Variants in AKT3 observed in about 807,000 individuals in gnomAD.
AKT3 encodes AKT serine/threonine kinase 3, also known as RAC-gamma serine/threonine-protein kinase.
A neutral mutation model predicts 65.3 loss-of-function variants in AKT3; 15 were observed. The ratio of observed to expected loss-of-function variants is 0.23; its 90% CI spans 0.15 to 0.35. AKT3 has a LOEUF of 0.35. AKT3 is among the 10% of genes least tolerant of loss of function. The pLI is 1.00. For missense variants in AKT3, 243 were observed against 576.5 expected (o/e 0.42, Z 5.92); for synonymous variants, 206 against 183.8 (o/e 1.12, Z -0.98).
chr1:243,748,540 ATAAG>A (rs891787487), intron 2 of AKT3, among the ~76,000 whole-genome samples: 2 of 152,206 alleles, frequency 1.3e-5, no homozygotes, highest in Non-Finnish European at 2.9e-5. Flanking sequence ...AATTCAGCAG[ATAAG>A]TAAATAAAAC....
At chr1:243,808,546 A>T (rs1036080687) in intron 2 of AKT3, among the ~76,000 whole-genome samples, 2 of 152,248 alleles carry the variant, frequency 1.3e-5, no homozygotes, top group African/African-American at 4.8e-5. Flanking sequence ...GACCAAATCT[A>T]CGTCTGATTG....
At position 243,627,051 on chromosome 1, in the gene AKT3, T is replaced by G. The variant is rs1489375661; in HGVS notation, c.561+10560A>C. Among the ~76,000 whole-genome samples the G allele has an allele frequency of 2.0e-5, 3 of 152,326 alleles. No homozygotes were observed. The East Asian group carries it at 5.8e-4, about 29-fold the overall frequency. On this transcript the variant is annotated intron_variant, in intron 6 of 13. Transcript: ENST00000673466. ...GACATGTTCGACACTGGAGTGCTGT[T>G]ACCAACAAGTTCTGTGTCGTGCATG...
intron 2 of AKT3, among the ~76,000 whole-genome samples, chr1:243,732,386 G>A (rs1687618123): frequency 6.6e-6 from 1 of 152,160 alleles, no homozygotes. Flanking sequence ...CCTACCAAAG[G>A]GAAGAGATGG....
At chr1:243,498,420 G>C (rs935347299), downstream of AKT3, among the ~76,000 whole-genome samples, 2 of 152,174 alleles carry the variant, frequency 1.3e-5, no homozygotes, top group African/African-American at 4.8e-5. Context: ...CACGGGCCTG[G>C]GAGGGCTGTG....
intron 11 of AKT3, among the ~76,000 whole-genome samples, chr1:243,547,270 T>C (rs1433560378): frequency 6.6e-6 from 1 of 152,196 alleles, no homozygotes; most frequent in African/African-American, 2.4e-5. Context: ...ACATAACTAA[T>C]CTCAAAAATA....
At chr1:243,850,673 G>A (rs1695745558), upstream of AKT3, among the ~76,000 whole-genome samples, 3 of 151,512 alleles carry the variant, frequency 2.0e-5, no homozygotes, top group South Asian at 6.2e-4. Flanking sequence ...ACTGGCGGGA[G>A]CGGCTTCCCC....
chr1:243,842,466 C>A (rs1014421659), intron 2 of AKT3, among the ~76,000 whole-genome samples: 36 of 152,062 alleles, frequency 2.4e-4, no homozygotes, highest in African/African-American at 7.7e-4. Flanking sequence ...CGCTTTACAT[C>A]GAAGGGTTCT....
chr1:243,843,030 G>GTT (rs1185722529), intron 2 of AKT3, 95 bp downstream of exon 2: 2 of 1,303,796 alleles, frequency 1.5e-6, no homozygotes, highest in Non-Finnish European at 2.2e-6. Context: ...GCATGACACA[G>GTT]TTTAACAGTA....
chr1:243,815,551 C>A (rs762481857), intron 2 of AKT3, among the ~76,000 whole-genome samples: 20 of 150,710 alleles, frequency 1.3e-4, no homozygotes, highest in Non-Finnish European at 2.7e-4. Flanking sequence ...GTTCCAAATT[C>A]AAAAGACAGT....
At chr1:243,750,206 C>CCCTA (rs1688715240) in intron 2 of AKT3, among the ~76,000 whole-genome samples, 1 of 152,124 alleles carries the variant, frequency 6.6e-6, no homozygotes, top group Admixed American at 6.5e-5. Context: ...AATGCTTTAA[C>CCCTA]CCTACTTGGT....
intron 2 of AKT3, among the ~76,000 whole-genome samples, chr1:243,728,949 A>G (rs1687381126): frequency 6.6e-6 from 1 of 152,226 alleles, no homozygotes; most frequent in Non-Finnish European, 1.5e-5. Flanking sequence ...ATACAAGATC[A>G]GAAAGGAAGA....
chr1:243,812,077 A>C (rs1693195725), intron 2 of AKT3, among the ~76,000 whole-genome samples: 1 of 152,222 alleles, frequency 6.6e-6, no homozygotes. Flanking sequence ...CCCTAGAAGA[A>C]AACCTGGGCA....
chr1:243,510,939 A>C (rs944678064), intron 13 of AKT3, among the ~76,000 whole-genome samples: 2 of 152,272 alleles, frequency 1.3e-5, no homozygotes, highest in African/African-American at 2.4e-5. Flanking sequence ...GGACAATTCT[A>C]ATGCCACAGT....
intron 3 of AKT3, among the ~76,000 whole-genome samples, chr1:243,695,149 C>A (rs1166237491): frequency 6.6e-6 from 1 of 151,912 alleles, no homozygotes; most frequent in Non-Finnish European, 1.5e-5. Context: ...TAACTACGAA[C>A]ATAAAATCTC....
At chr1:243,822,269 G>C (rs1000443837) in intron 2 of AKT3, among the ~76,000 whole-genome samples, 2 of 152,070 alleles carry the variant, frequency 1.3e-5, no homozygotes, top group Non-Finnish European at 2.9e-5. Context: ...CTGGGATGTA[G>C]CTAAAGCAGT....
At chr1:243,543,945 G>A (rs1049992594) in intron 12 of AKT3, among the ~76,000 whole-genome samples, 6 of 152,120 alleles carry the variant, frequency 3.9e-5, no homozygotes, top group Middle Eastern at 3.2e-3. Flanking sequence ...AAGTGCTTGT[G>A]TTACTTCCTC....
chr1:243,785,694 G>A (rs1691218180), intron 2 of AKT3, among the ~76,000 whole-genome samples: 3 of 152,184 alleles, frequency 2.0e-5, no homozygotes, highest in Admixed American at 1.3e-4. Context: ...ATATTGCTAT[G>A]CAAACCTTCG....
At chr1:243,758,452 A>G (rs1689280097) in intron 2 of AKT3, among the ~76,000 whole-genome samples, 1 of 152,198 alleles carries the variant, frequency 6.6e-6, no homozygotes, top group South Asian at 2.1e-4. Flanking sequence ...ATGTTCCAGG[A>G]AGACAAAAAA....
At chr1:243,656,902 CA>C (rs1681844836) in intron 4 of AKT3, among the ~76,000 whole-genome samples, 1 of 152,036 alleles carries the variant, frequency 6.6e-6, no homozygotes, top group African/African-American at 2.4e-5. Flanking sequence ...TCATATTTAA[CA>C]GTAAATTAGT....
Sources: gnomAD v4.1 joint callset for allele counts (sites outside exome capture counted in the v4.1 genomes callset) on GRCh38, gnomAD v4.1.1 for gene constraint, MANE v1.5 for transcripts, NCBI Gene and HGNC (gene_info 2026-07-23, HGNC 2026-07-21) for gene names.